The following APBA2 variants were observed in gnomAD, a reference collection of about 807,000 sequenced individuals.
APBA2 encodes the protein amyloid-beta A4 precursor protein-binding family A member 2.
Under a neutral mutation model 75.0 loss-of-function variants are expected in APBA2, and 30 were observed. That is an observed-to-expected ratio of 0.40 (90% CI 0.30 to 0.54). The LOEUF (loss-of-function observed/expected upper bound fraction) is 0.54. Ranked by LOEUF, APBA2 falls within the 20% of genes least tolerant of loss-of-function variation. The pLI is 0.49. For synonymous variants in APBA2, 444 were observed against 409.6 expected (o/e 1.08, Z -1.01); for missense variants, 801 against 1,016.1 (o/e 0.79, Z 2.88).
chr15:28,994,659 C>A (rs542637772), intron 2 of APBA2, among the ~76,000 whole-genome samples: 1 of 152,274 alleles, frequency 6.6e-6, no homozygotes, highest in South Asian at 2.1e-4. Context: ...GAGGAAATTT[C>A]GTAATTATAA....
At chr15:29,099,190 A>G (rs1388808426) in intron 9 of APBA2, among the ~76,000 whole-genome samples, 2 of 152,052 alleles carry the variant, frequency 1.3e-5, no homozygotes, top group African/African-American at 4.8e-5. Flanking sequence ...TGGGCAAACC[A>G]TCTGGACTAG....
intron 2 of APBA2, among the ~76,000 whole-genome samples, chr15:28,954,333 C>G (rs924753794): frequency 6.6e-6 from 1 of 152,200 alleles, no homozygotes; most frequent in Admixed American, 6.5e-5. Flanking sequence ...CCGACCAGAG[C>G]TCTCCGTTCC....
chr15:28,950,126 G>A (rs963883066), intron 2 of APBA2, among the ~76,000 whole-genome samples: 2 of 152,134 alleles, frequency 1.3e-5, no homozygotes, highest in African/African-American at 4.8e-5. Flanking sequence ...AAGAGTACAG[G>A]TCTTTGTGAA....
At chr15:29,061,390 A>G (rs2042124385) in intron 4 of APBA2, among the ~76,000 whole-genome samples, 1 of 152,154 alleles carries the variant, frequency 6.6e-6, no homozygotes, top group Non-Finnish European at 1.5e-5. Flanking sequence ...TATTTGATTT[A>G]CTCAGCAAGT....
At chr15:29,019,716 C>T (rs1306355007) in intron 3 of APBA2, among the ~76,000 whole-genome samples, 1 of 152,198 alleles carries the variant, frequency 6.6e-6, no homozygotes, top group Admixed American at 6.5e-5. Flanking sequence ...TTCCAGGGAC[C>T]GTGTGTACAG....
At position 28,886,012 on chromosome 15, in the gene APBA2, G is replaced by T. The variant is rs1470780956; in HGVS notation, c.-471G>T. ...CGGGTGAGGCGGAAGCGGCCGGGGC[G>T]GGGGCGCAGGCCCGGCAGCCGCAGG... On this transcript the variant is annotated 5_prime_UTR_variant, in exon 1 of 15. Coordinates refer to ENST00000683413, the MANE Select transcript of APBA2 (RefSeq NM_001353788.2). The T allele has an allele frequency of 2.0e-5, 3 of 149,982 alleles. No individual in the cohort carries two copies. The highest frequency in any genetic ancestry group is 6.7e-5 in the Admixed American group (1 of 15,034). 9.3% of individuals were successfully genotyped at this position (149,982 alleles called of 1,614,324 possible).
chr15:29,079,360 G>C (rs557079874), intron 6 of APBA2, among the ~76,000 whole-genome samples: 8 of 152,284 alleles, frequency 5.3e-5, no homozygotes, highest in Admixed American at 2.0e-4. Flanking sequence ...ACTGGCGTCT[G>C]TCTTGTTCCC....
Position 29,054,500 on chromosome 15 carries a change from G to T in APBA2, c.616G>T (p.Gly206Cys), listed in dbSNP as rs574988993. 4.5e-5 allele frequency: 72 copies of T among 1,613,594 alleles called. No homozygotes were observed. The highest frequency in any genetic ancestry group is 5.8e-5 in the Non-Finnish European group (69 of 1,179,852). The change falls in exon 4 of 15, where the codon GGC becomes TGC. Residue 206 changes from glycine (G) to cysteine (C), a missense_variant. Gly to Cys is a radical substitution (Grantham distance 159). Around this residue, in one of 2 missense-constraint regions of APBA2, gnomAD observed 434 missense variants for 471.6 expected, o/e 0.92. Coordinates refer to ENST00000683413, the MANE Select transcript of APBA2 (RefSeq NM_001353788.2). This position sits in a 1 kb window ranked among gnomAD's most constrained non-coding sequence, Gnocchi z 6.1. ...YYPEEANGNT[G>C]ASPYRLRRGD... ...CCCCGAGGAGGCCAACGGGAACACCGGCGCCTCCCCCTACCGCCTGAGGCG... is the reference window on the plus strand; with the variant it reads ...CCCCGAGGAGGCCAACGGGAACACCTGCGCCTCCCCCTACCGCCTGAGGCG...
At chr15:28,888,201 G>A (rs1567407096) in intron 1 of APBA2, among the ~76,000 whole-genome samples, 1 of 152,214 alleles carries the variant, frequency 6.6e-6, no homozygotes, top group Non-Finnish European at 1.5e-5. Flanking sequence ...ATTGTGAAAT[G>A]GAGGTGCATA....
At position 29,101,770 on chromosome 15, in the gene APBA2, T is replaced by A. The variant is rs1412473592; in HGVS notation, c.1510T>A (p.Phe504Ile). Residue 504 changes from phenylalanine to isoleucine, a missense_variant, in exon 10 of 15, where the codon TTC (phenylalanine) becomes ATC (isoleucine). Phe to Ile is a conservative substitution (Grantham distance 21). Transcript: ENST00000683413. The stretch of plus-strand genomic sequence containing the variant: ...GCAGTATAAGATGATCTGCCATGTG[T>A]TCGAGTCGGAGGATGTAAGTAAGCC... ...KKQYKMICHV[F>I]ESEDAQLIAQ... The A allele has an allele frequency of 6.2e-7, 1 of 1,613,316 alleles. No individual in the cohort carries two copies. The highest frequency in any genetic ancestry group is 8.5e-7 in the Non-Finnish European group (1 of 1,179,942).
At chr15:29,113,377 A>G (rs1335385540) in intron 13 of APBA2, among the ~76,000 whole-genome samples, 1 of 151,440 alleles carries the variant, frequency 6.6e-6, no homozygotes, top group Non-Finnish European at 1.5e-5. Flanking sequence ...GAATAAAGTG[A>G]CTCTTCCCTG....
chr15:28,906,917 T>A (rs530419667), intron 1 of APBA2, among the ~76,000 whole-genome samples: 2 of 152,186 alleles, frequency 1.3e-5, no homozygotes, highest in Non-Finnish European at 2.9e-5. Flanking sequence ...ATATTGCAGA[T>A]ATTTTTTTCT....
intron 3 of APBA2, among the ~76,000 whole-genome samples, chr15:29,040,829 TTCAG>T (rs755246080): frequency 6.6e-6 from 1 of 152,208 alleles, no homozygotes; most frequent in Non-Finnish European, 1.5e-5. Context: ...TGACTAATTC[TTCAG>T]TCAATCAATT....
chr15:28,977,927 T>G (rs66939603), intron 2 of APBA2, among the ~76,000 whole-genome samples: 46,217 of 152,032 alleles, frequency 0.3, 11,612 homozygotes, highest in African/African-American at 0.67. Context: ...AGTGAACAGC[T>G]TGGGCTGTGG....
chr15:29,011,868 C>G (rs1014744806), intron 3 of APBA2, among the ~76,000 whole-genome samples: 1 of 151,902 alleles, frequency 6.6e-6, no homozygotes, highest in African/African-American at 2.4e-5. Flanking sequence ...GAATTTATTC[C>G]TAGTAGGTTG....
intron 2 of APBA2, among the ~76,000 whole-genome samples, chr15:28,950,990 T>A (rs1234568268): frequency 6.6e-6 from 1 of 152,170 alleles, no homozygotes; most frequent in African/African-American, 2.4e-5. Context: ...TACCTTTTTG[T>A]TTTTTTGAGT....
chr15:28,899,286 C>T (rs2032702811), intron 1 of APBA2, among the ~76,000 whole-genome samples: 1 of 152,246 alleles, frequency 6.6e-6, no homozygotes, highest in African/African-American at 2.4e-5. Flanking sequence ...ACCTGCCTTC[C>T]CTGCCTCATC....
chr15:29,032,303 A>G (rs1468631687), intron 3 of APBA2, among the ~76,000 whole-genome samples: 1 of 152,208 alleles, frequency 6.6e-6, no homozygotes, highest in African/African-American at 2.4e-5. Context: ...ACCTTGAGTA[A>G]AGCAGACTGT....
chr15:28,959,254 T>C (rs1260752397), intron 2 of APBA2, among the ~76,000 whole-genome samples: 1 of 152,240 alleles, frequency 6.6e-6, no homozygotes, highest in Admixed American at 6.5e-5. Context: ...CCCAAAGTGC[T>C]GGGATTACAG....
Sources: gnomAD v4.1 joint callset for allele counts (sites outside exome capture counted in the v4.1 genomes callset) on GRCh38, gnomAD v4.1.1 for gene constraint, gnomAD v4.1.1 regional missense constraint, Gnocchi (gnomAD v3.1) non-coding constraint, MANE v1.5 for transcripts, NCBI Gene and HGNC (gene_info 2026-07-23, HGNC 2026-07-21) for gene names.